ASS1: variants seen among roughly 807,000 people sequenced by gnomAD.
ASS1 encodes argininosuccinate synthase.
Under a neutral mutation model 60.5 loss-of-function variants are expected in ASS1, and 58 were observed. That is an observed-to-expected ratio of 0.96 (90% CI 0.78 to 1.19). ASS1 has a LOEUF of 1.19. Among genes scored for constraint, ASS1 ranks in the 50% most tolerant of loss-of-function variants. The pLI is 0.00. For missense variants in ASS1, 454 were observed against 547.3 expected (o/e 0.83, Z 1.70); for synonymous variants, 200 against 206.9 (o/e 0.97, Z 0.29).
In ASS1 at chr9:130,491,760, C is replaced by CTT. The variant is rs1371871495; in HGVS notation, c.970+2297_970+2298dup. Among the ~76,000 whole-genome samples the CTT allele has an allele frequency of 2.0e-5, 3 of 152,178 alleles. No homozygotes were observed. Among genetic ancestry groups the CTT allele is most frequent in the Non-Finnish European group, 2.9e-5 (2 of 68,034 alleles). ...AAACTGAGGTACAATGATTAGGAGA[C>CTT]TTAAAAGGAAACAAAATCTCAGAGT... is the stretch of plus-strand genomic sequence containing the variant. On this transcript the variant is annotated intron_variant, in intron 12 of 14. Transcript: ENST00000352480. This position sits in a 1 kb window ranked among gnomAD's most constrained non-coding sequence, Gnocchi z 5.3.
intron 11 of ASS1, among the ~76,000 whole-genome samples, chr9:130,485,417 G>A (rs1846285102): frequency 6.7e-6 from 1 of 149,366 alleles, no homozygotes; most frequent in African/African-American, 2.6e-5. Flanking sequence ...AAGCCAAGCT[G>A]GGCACCTTCT....
intron 4 of ASS1, among the ~76,000 whole-genome samples, chr9:130,462,269 GC>G (rs564213954): frequency 3.3e-4 from 50 of 152,284 alleles, no homozygotes; most frequent in Non-Finnish European, 6.0e-4. Flanking sequence ...GAGACCCCAG[GC>G]CCCCCAGTCC....
At position 130,476,617 on chromosome 9, in the gene ASS1, T is replaced by C; in HGVS notation, c.598-254T>C. 1 of 580,290 alleles carries C rather than the reference T, an allele frequency of 1.7e-6. No homozygotes were observed. The highest frequency in any genetic ancestry group is 3.1e-6 in the Non-Finnish European group (1 of 323,588). 35.9% of individuals were successfully genotyped at this position (580,290 alleles called of 1,614,324 possible). A position where few individuals can be genotyped will look rare whatever the true frequency, so the allele number is the denominator to read the frequency against. Reference sequence around the variant, plus strand: ...TCTCCAGCTATTCTACCTCCAGCTGTGGGGGCGTCGAAGAAAAAGATGAGA... The same window carrying C: ...TCTCCAGCTATTCTACCTCCAGCTGCGGGGGCGTCGAAGAAAAAGATGAGA... On this transcript the variant is annotated intron_variant, in intron 8 of 14. Coordinates refer to ENST00000352480, the MANE Select transcript of ASS1 (RefSeq NM_054012.4). This position sits in a 1 kb window ranked among gnomAD's most constrained non-coding sequence, Gnocchi z 4.9.
Position 130,496,593 on chromosome 9 carries a change from TAAAAAA to T in ASS1, c.1127+1589_1127+1594del, listed in dbSNP as rs56807719. ...GTAACAAAGCTAGGCACTGTCTCTTTAAAAAAAAAAAAAAAAAAAAAAAAGGAAACA... is the reference window on the plus strand; with the variant it reads ...GTAACAAAGCTAGGCACTGTCTCTTTAAAAAAAAAAAAAAAAAAGGAAACA... On this transcript the variant is annotated intron_variant, in intron 13 of 14. Transcript: ENST00000352480. Among the ~76,000 whole-genome samples, 987 of 105,962 alleles carry T rather than the reference TAAAAAA, an allele frequency of 9.3e-3. 11 individuals are homozygous for T. Among genetic ancestry groups the T allele is most frequent in the African/African-American group, 0.034 (942 of 28,028 alleles). The allele number at this position is 105,962 out of a possible 152,430, so 69.5% of individuals were successfully genotyped here.
At chr9:130,471,976 G>C (rs1036275322) in intron 8 of ASS1, among the ~76,000 whole-genome samples, 1 of 152,110 alleles carries the variant, frequency 6.6e-6, no homozygotes, top group African/African-American at 2.4e-5. Flanking sequence ...CGCCACCACC[G>C]GCCACCCTGA....
Position 130,489,496 on chromosome 9 carries a change from C to T in ASS1, c.970+32C>T, listed in dbSNP as rs1846395464. 1 of 1,613,928 alleles carries T rather than the reference C, an allele frequency of 6.2e-7. No individual in the cohort carries two copies. Among genetic ancestry groups the T allele is most frequent in the Admixed American group, 1.7e-5 (1 of 60,012 alleles). On this transcript the variant is annotated intron_variant, in intron 12 of 14. Coordinates refer to ENST00000352480, the MANE Select transcript of ASS1 (RefSeq NM_054012.4). This position sits in a 1 kb window ranked among gnomAD's most constrained non-coding sequence, Gnocchi z 4.1. ...AAGACTCTATGGCTGCCCCCTCTAA[C>T]CGCCTCACAAGGGATCCCAAAGTAC...
chr9:130,460,670 G>C (rs1845568164), intron 4 of ASS1, among the ~76,000 whole-genome samples: 1 of 152,206 alleles, frequency 6.6e-6, no homozygotes, highest in African/African-American at 2.4e-5. Context: ...CTGTGGGGGA[G>C]GCAATAGGGC....
At chr9:130,456,039 G>A (rs1355208822) in intron 3 of ASS1, among the ~76,000 whole-genome samples, 1 of 152,246 alleles carries the variant, frequency 6.6e-6, no homozygotes, top group African/African-American at 2.4e-5. Flanking sequence ...TTTCAGCAGC[G>A]CAGGAGCAGG....
intron 13 of ASS1, among the ~76,000 whole-genome samples, chr9:130,497,357 C>T (rs745621500): frequency 9.2e-5 from 14 of 152,034 alleles, no homozygotes; most frequent in Non-Finnish European, 1.9e-4. Context: ...GCGAGGAAGC[C>T]GTGAGAGGTA....
At position 130,501,091 on chromosome 9, in the gene ASS1, T is replaced by G; in HGVS notation, c.*70T>G. 1.3e-6 allele frequency: 2 copies of G among 1,503,144 alleles called. No individual in the cohort carries two copies. The highest frequency in any genetic ancestry group is 9.2e-7 in the Non-Finnish European group (1 of 1,090,272). The allele number at this position is 1,503,144 out of a possible 1,614,324, so 93.1% of individuals were successfully genotyped here. ...CCCCAAGTACAGGCGCTAATTGTTG[T>G]GATAATTTGTAATTGTGACTTGTTC... On this transcript the variant is annotated 3_prime_UTR_variant, in exon 15 of 15. Transcript: ENST00000352480.
chr9:130,466,876 C>T lies in ASS1; in HGVS notation c.495+77C>T, dbSNP rs932342887. On this transcript the variant is annotated intron_variant, in intron 6 of 14. Coordinates refer to ENST00000352480, the MANE Select transcript of ASS1 (RefSeq NM_054012.4). ...CGGGCACGTCCCTGCTGGGGGCTGT[C>T]TGAGCCAGTGGCCTAGGCCGGGACT... 1.1e-5 allele frequency: 16 copies of T among 1,518,762 alleles called. 1 individual carries two copies. Among genetic ancestry groups the T allele is most frequent in the Non-Finnish European group, 1.1e-5 (12 of 1,097,858 alleles). 94.1% of individuals were successfully genotyped at this position (1,518,762 alleles called of 1,614,324 possible).
Position 130,477,761 on chromosome 9 carries a change from T to A in ASS1, c.688+800T>A, listed in dbSNP as rs1430169053. On this transcript the variant is annotated intron_variant, in intron 9 of 14. Coordinates refer to ENST00000352480, the MANE Select transcript of ASS1 (RefSeq NM_054012.4). This position sits in a 1 kb window ranked among gnomAD's most constrained non-coding sequence, Gnocchi z 4.2. ...GATCAGGGAGGCTTCCTGGAGGAGGTGGTGCTGGGCACAGGGGCACCCAAG... is the reference window on the plus strand; with the variant it reads ...GATCAGGGAGGCTTCCTGGAGGAGGAGGTGCTGGGCACAGGGGCACCCAAG... Among the ~76,000 whole-genome samples, 1 of 151,730 alleles carries A rather than the reference T, an allele frequency of 6.6e-6. No individual in the cohort carries two copies.
intron 13 of ASS1, among the ~76,000 whole-genome samples, 154 bp downstream of exon 13, chr9:130,495,177 G>C (rs999380812): frequency 3.3e-5 from 5 of 152,120 alleles, no homozygotes. Flanking sequence ...ATGCTCCCGT[G>C]GAACTTACAG....
In ASS1 at chr9:130,470,789, C is replaced by A. The variant is rs1430093347; in HGVS notation, c.496-45C>A. On this transcript the variant is annotated intron_variant, in intron 6 of 14. Coordinates refer to ENST00000352480, the MANE Select transcript of ASS1 (RefSeq NM_054012.4). The surrounding 1 kb of genome is among the most constrained non-coding windows in gnomAD (Gnocchi z 4.3). ...GGCCCCTGGGACGGACCTCACGCGT[C>A]CTTCCAGCCGCCTTACCTCCACCTG... 1 of 1,594,072 alleles carries A rather than the reference C, an allele frequency of 6.3e-7. No individual in the cohort carries two copies. The highest frequency in any genetic ancestry group is 8.6e-7 in the Non-Finnish European group (1 of 1,162,022).
At chr9:130,490,987 A>G (rs796861175) in intron 12 of ASS1, among the ~76,000 whole-genome samples, 4 of 152,280 alleles carry the variant, frequency 2.6e-5, no homozygotes, top group African/African-American at 9.6e-5. Flanking sequence ...AGTTAGTATT[A>G]GTTAATCGAA....
At position 130,491,589 on chromosome 9, in the gene ASS1, C is replaced by T. The variant is rs1424929918; in HGVS notation, c.970+2125C>T. Among the ~76,000 whole-genome samples the T allele has an allele frequency of 6.6e-6, 1 of 152,330 alleles. No homozygotes were observed. Among genetic ancestry groups the T allele is most frequent in the East Asian group, 1.9e-4 (1 of 5,184 alleles). The stretch of plus-strand genomic sequence containing the variant: ...TTACTCCAACAGATTCCAGGATGCT[C>T]GTGATCAAGGGGCACGGCGGCACAG... On this transcript the variant is annotated intron_variant, in intron 12 of 14. Coordinates refer to ENST00000352480, the MANE Select transcript of ASS1 (RefSeq NM_054012.4). The surrounding 1 kb of genome is among the most constrained non-coding windows in gnomAD (Gnocchi z 5.3).
In ASS1 at chr9:130,470,394, T is replaced by C. The variant is rs1162299359; in HGVS notation, c.496-440T>C. 6.6e-6 allele frequency among the ~76,000 whole-genome samples: 1 copy of C among 152,178 alleles called. No individual in the cohort carries two copies. The highest frequency in any genetic ancestry group is 1.5e-5 in the Non-Finnish European group (1 of 68,026). On this transcript the variant is annotated intron_variant, in intron 6 of 14. Transcript: ENST00000352480. The surrounding 1 kb of genome is among the most constrained non-coding windows in gnomAD (Gnocchi z 4.3). ...TGAGCTAAAAGCTCTCCCTGCATCC[T>C]ACCTGTCCTGGGGTCCACAGGAAGC...
chr9:130,493,387 A>C (rs1172361541), intron 12 of ASS1, among the ~76,000 whole-genome samples: 1 of 152,244 alleles, frequency 6.6e-6, no homozygotes, highest in Non-Finnish European at 1.5e-5. Context: ...CTCACTGTGC[A>C]AATGAGGAAA....
rs540140 is a variant in ASS1, at chr9:130,479,984, G to T, written c.773+184G>T. On this transcript the variant is annotated intron_variant, in intron 10 of 14. Transcript: ENST00000352480. ...CCCATTTGGCAGGAGAGGCTCCGTGGTCCTTAGCCTTGGAAGATAACAACC... is the reference window on the plus strand; with the variant it reads ...CCCATTTGGCAGGAGAGGCTCCGTGTTCCTTAGCCTTGGAAGATAACAACC... 204,140 of 773,552 alleles carry T rather than the reference G, an allele frequency of 0.26. 29,033 individuals carry two copies. The highest frequency in any genetic ancestry group is 0.32 in the Admixed American group (16,519 of 51,368). The allele number at this position is 773,552 out of a possible 1,614,324, so 47.9% of individuals were successfully genotyped here.
Sources: allele counts gnomAD v4.1 joint callset (sites outside exome capture counted in the v4.1 genomes callset), GRCh38; gene constraint gnomAD v4.1.1; non-coding constraint Gnocchi (gnomAD v3.1); transcripts MANE v1.5; gene names NCBI Gene and HGNC (gene_info 2026-07-23, HGNC 2026-07-21).